PRELID2: variants seen among roughly 807,000 people sequenced by gnomAD.
PRELID2 encodes PRELI domain-containing protein 2.
PRELID2 carries 25 observed loss-of-function variants against 28.4 expected under a neutral mutation model. That is an observed-to-expected ratio of 0.88 (90% CI 0.64 to 1.23). The LOEUF (loss-of-function observed/expected upper bound fraction) is 1.23, where lower values mean the gene tolerates loss of function less well. Ranked by LOEUF, PRELID2 falls within the 50% of genes most tolerant of loss-of-function variation. The probability of loss-of-function intolerance (pLI) is 0.00; values close to 1 mark genes in which losing one functional copy is unlikely to be tolerated. For missense variants in PRELID2, 201 were observed against 214.4 expected (o/e 0.94, Z 0.39); for synonymous variants, 76 against 71.6 (o/e 1.06, Z -0.31).
chr5:145,291,337 G>GAA, the PRELID2 span, among the ~76,000 whole-genome samples: 4,212 of 41,634 alleles, frequency 0.1, 244 homozygotes, highest in African/African-American at 0.14. Flanking sequence ...CTCTGTTTCA[G>GAA]AAAAAAAAAA....
chr5:145,287,023 G>C, the PRELID2 span, among the ~76,000 whole-genome samples: 2 of 151,842 alleles, frequency 1.3e-5, no homozygotes, highest in Non-Finnish European at 2.9e-5. Context: ...ACTTCTTATT[G>C]TTACACTTAA....
intron 1 of PRELID2, among the ~76,000 whole-genome samples, chr5:145,562,056 G>C (rs1358784563): frequency 6.6e-6 from 1 of 152,158 alleles, no homozygotes; most frequent in Non-Finnish European, 1.5e-5. Context: ...ATGTACAATG[G>C]CAAATTTTAT....
At chr5:145,234,040 A>G in the PRELID2 span, among the ~76,000 whole-genome samples, 2 of 152,118 alleles carry the variant, frequency 1.3e-5, no homozygotes, top group Non-Finnish European at 2.9e-5. Flanking sequence ...TTGAATACTG[A>G]TTATATTTAC....
intron 1 of PRELID2, among the ~76,000 whole-genome samples, chr5:145,659,247 G>C (rs1754448395): frequency 1.3e-5 from 2 of 152,220 alleles, no homozygotes; most frequent in Non-Finnish European, 2.9e-5. Context: ...CACTGGGGCA[G>C]AATCAAGTCC....
At chr5:145,603,723 C>G (rs909418252) in intron 1 of PRELID2, among the ~76,000 whole-genome samples, 2 of 152,084 alleles carry the variant, frequency 1.3e-5, no homozygotes, top group Non-Finnish European at 2.9e-5. Context: ...CATACCTATA[C>G]ACACACGTTA....
intron 1 of PRELID2, among the ~76,000 whole-genome samples, chr5:145,720,318 C>A: frequency 6.7e-6 from 1 of 150,276 alleles, no homozygotes; most frequent in African/African-American, 2.4e-5. Context: ...AATTATGAGA[C>A]ATTAAAGATA....
chr5:145,354,120 C>T, the PRELID2 span, among the ~76,000 whole-genome samples: 3 of 152,234 alleles, frequency 2.0e-5, no homozygotes, highest in South Asian at 2.1e-4. Flanking sequence ...AACACTCACT[C>T]GATCTTAGCA....
intron 5 of PRELID2, among the ~76,000 whole-genome samples, chr5:145,773,602 G>A (rs1292401332): frequency 6.6e-6 from 1 of 152,140 alleles, no homozygotes; most frequent in African/African-American, 2.4e-5. Flanking sequence ...GCTTAATTAC[G>A]AGACAGTGCT....
the PRELID2 span, among the ~76,000 whole-genome samples, chr5:145,289,209 T>C: frequency 6.6e-6 from 1 of 152,170 alleles, no homozygotes; most frequent in African/African-American, 2.4e-5. Flanking sequence ...AACAATTGCA[T>C]AACATCATAT....
the PRELID2 span, among the ~76,000 whole-genome samples, chr5:145,372,557 T>A: frequency 6.6e-6 from 1 of 152,016 alleles, no homozygotes; most frequent in African/African-American, 2.4e-5. Flanking sequence ...ATATTTAGAA[T>A]AATTAGCTCT....
intron 4 of PRELID2, among the ~76,000 whole-genome samples, chr5:145,804,810 T>G (rs557183258): frequency 1.1e-4 from 17 of 152,294 alleles, no homozygotes; most frequent in Admixed American, 1.1e-3. Context: ...AGTGAAAGCT[T>G]ACGGGCATCC....
chr5:145,785,293 C>T (rs1751918899), intron 5 of PRELID2, among the ~76,000 whole-genome samples: 2 of 152,190 alleles, frequency 1.3e-5, no homozygotes, highest in Admixed American at 1.3e-4. Context: ...AGAAGCTTTT[C>T]TCTAAAGCTT....
At chr5:145,401,993 A>G in the PRELID2 span, among the ~76,000 whole-genome samples, 1 of 152,172 alleles carries the variant, frequency 6.6e-6, no homozygotes, top group Non-Finnish European at 1.5e-5. Context: ...AGTTATAGCC[A>G]CAACCATAGT....
intron 1 of PRELID2, among the ~76,000 whole-genome samples, chr5:145,747,258 A>G (rs1757015655): frequency 6.6e-6 from 1 of 151,804 alleles, no homozygotes; most frequent in Admixed American, 6.6e-5. Flanking sequence ...AGCTGTTTAA[A>G]AAAAAAAAAA....
chr5:145,365,333 T>A, the PRELID2 span, among the ~76,000 whole-genome samples: 1 of 151,968 alleles, frequency 6.6e-6, no homozygotes, highest in African/African-American at 2.4e-5. Context: ...CTTGATTTCA[T>A]CATCCTACAA....
the PRELID2 span, among the ~76,000 whole-genome samples, chr5:145,386,384 A>T: frequency 3.7e-4 from 56 of 152,222 alleles, 1 homozygote; most frequent in African/African-American, 1.3e-3. Flanking sequence ...GCCAAATCAT[A>T]TCAGGGGCAG....
intron 1 of PRELID2, among the ~76,000 whole-genome samples, chr5:145,546,447 G>T (rs1465623115): frequency 6.6e-6 from 1 of 152,146 alleles, no homozygotes; most frequent in African/African-American, 2.4e-5. Flanking sequence ...GGATACATAT[G>T]CCCCCTTCCA....
rs200034950 is a variant in PRELID2 at position 145,817,212 on chromosome 5, TAAAAAA to T, written c.368+676_368+681del. Among the ~76,000 whole-genome samples the T allele has an allele frequency of 1.1e-3, 80 of 72,808 alleles. 1 individual carries two copies. Among genetic ancestry groups the T allele is most frequent in the East Asian group, 3.5e-3 (10 of 2,844 alleles). The allele number at this position is 72,808 out of a possible 152,430, so 47.8% of individuals were successfully genotyped here. A position where few individuals can be genotyped will look rare whatever the true frequency, so the allele number is the denominator to read the frequency against. On this transcript the variant is annotated intron_variant, in intron 4 of 6. Coordinates refer to ENST00000683046, the MANE Select transcript of PRELID2 (RefSeq NM_205846.3). Reference sequence around the variant, plus strand: ...TTTCAAAAAAAAATAAATAAATAAATAAAAAAAAATATATATATATATATACTTTAG... The same window carrying T: ...TTTCAAAAAAAAATAAATAAATAAATAAATATATATATATATATACTTTAG...
chr5:145,249,938 T>TCTCTCTCTCG, the PRELID2 span, among the ~76,000 whole-genome samples: 1 of 120,914 alleles, frequency 8.3e-6, no homozygotes, highest in Non-Finnish European at 1.7e-5. Flanking sequence ...TCTCTCTCTG[T>TCTCTCTCTCG]CTCTCTCTCT....
Sources: gnomAD v4.1 joint callset for allele counts (sites outside exome capture counted in the v4.1 genomes callset) on GRCh38, gnomAD v4.1.1 for gene constraint, MANE v1.5 for transcripts, NCBI Gene and HGNC (gene_info 2026-07-23, HGNC 2026-07-21) for gene names.